The following PRR5L variants were observed in gnomAD, a reference collection of about 807,000 sequenced individuals.
The protein encoded by PRR5L is proline-rich protein 5-like.
Under a neutral mutation model 36.4 loss-of-function variants are expected in PRR5L, and 21 were observed. The ratio of observed to expected loss-of-function variants is 0.58; its 90% CI spans 0.41 to 0.83. The LOEUF (loss-of-function observed/expected upper bound fraction) is 0.83, where lower values mean the gene tolerates loss of function less well. Among genes scored for constraint, PRR5L ranks in the 40% least tolerant of loss-of-function variants. The probability of loss-of-function intolerance (pLI) is 0.00; values close to 1 mark genes in which losing one functional copy is unlikely to be tolerated. For missense variants in PRR5L, 381 were observed against 473.3 expected (o/e 0.80, Z 1.81); for synonymous variants, 188 against 197.0 (o/e 0.95, Z 0.38).
intron 1 of PRR5L, among the ~76,000 whole-genome samples, chr11:36,327,969 T>A (rs1409713636): frequency 1.3e-5 from 2 of 151,864 alleles, no homozygotes; most frequent in Non-Finnish European, 2.9e-5. Flanking sequence ...TCTCCCTGGG[T>A]ACATGTTCTC....
chr11:36,439,205 G>A (rs1050334174), intron 6 of PRR5L, among the ~76,000 whole-genome samples: 2 of 152,074 alleles, frequency 1.3e-5, no homozygotes, highest in African/African-American at 4.8e-5. Flanking sequence ...CCACCATTTC[G>A]AGGGGCCCTG....
intron 1 of PRR5L, among the ~76,000 whole-genome samples, chr11:36,328,910 T>C (rs1856691494): frequency 6.6e-6 from 1 of 152,216 alleles, no homozygotes; most frequent in African/African-American, 2.4e-5. Flanking sequence ...AATTGCCCCA[T>C]ATTCCATTTA....
intron 1 of PRR5L, among the ~76,000 whole-genome samples, chr11:36,305,376 G>T (rs974699402): frequency 6.6e-6 from 1 of 152,218 alleles, no homozygotes. Context: ...CTGGGGTTGA[G>T]TGGGAAGGGA....
At chr11:36,333,210 T>C (rs1856736454) in intron 1 of PRR5L, among the ~76,000 whole-genome samples, 1 of 152,196 alleles carries the variant, frequency 6.6e-6, no homozygotes, top group African/African-American at 2.4e-5. Flanking sequence ...CATTAGAATG[T>C]CTAAAATTCA....
intron 1 of PRR5L, among the ~76,000 whole-genome samples, chr11:36,397,067 C>CTTTTT (rs11300346): frequency 5.8e-4 from 76 of 130,566 alleles, no homozygotes; most frequent in Non-Finnish European, 7.9e-4. Context: ...GTTTTCTTTT[C>CTTTTT]TTTTTTTTTT....
intron 1 of PRR5L, among the ~76,000 whole-genome samples, chr11:36,351,626 T>A (rs12796918): frequency 1.8e-4 from 4 of 22,092 alleles, no homozygotes; most frequent in African/African-American, 4.6e-4. Flanking sequence ...TATTTATATA[T>A]TTATATAAAT....
chr11:36,321,097 T>C (rs1856609851), intron 1 of PRR5L: 2 of 152,258 alleles, frequency 1.3e-5, no homozygotes, highest in South Asian at 4.1e-4. Flanking sequence ...CAGAGGCCTA[T>C]TTTAAAAATA....
intron 1 of PRR5L, among the ~76,000 whole-genome samples, chr11:36,368,093 G>A (rs1334742884): frequency 6.6e-6 from 1 of 152,096 alleles, no homozygotes; most frequent in Non-Finnish European, 1.5e-5. Context: ...CCGTAGATTG[G>A]AGAACAAGGT....
chr11:36,396,375 C>T (rs1857660475), intron 1 of PRR5L, among the ~76,000 whole-genome samples: 1 of 152,214 alleles, frequency 6.6e-6, no homozygotes, highest in African/African-American at 2.4e-5. Context: ...GATGTAGGGT[C>T]AGTAAATAAG....
chr11:36,419,785 A>T (rs1490133992), intron 4 of PRR5L, among the ~76,000 whole-genome samples: 1 of 152,240 alleles, frequency 6.6e-6, no homozygotes, highest in East Asian at 1.9e-4. Context: ...ATGATATTGC[A>T]TGCCACGTAG....
intron 1 of PRR5L, among the ~76,000 whole-genome samples, chr11:36,382,791 C>T (rs990319346): frequency 6.6e-6 from 1 of 152,142 alleles, no homozygotes; most frequent in African/African-American, 2.4e-5. Flanking sequence ...GGCAGTGGGA[C>T]AAAATCGCCC....
At chr11:36,336,583 A>T in intron 1 of PRR5L, among the ~76,000 whole-genome samples, 1 of 117,450 alleles carries the variant, frequency 8.5e-6, no homozygotes, top group African/African-American at 3.4e-5. Context: ...TATGTCAGGG[A>T]TTTTTCTGTG....
At chr11:36,331,209 A>T (rs1856715552) in intron 1 of PRR5L, among the ~76,000 whole-genome samples, 1 of 152,194 alleles carries the variant, frequency 6.6e-6, no homozygotes, top group African/African-American at 2.4e-5. Context: ...ATCCCTTTTT[A>T]TTTGACATGC....
chr11:36,386,157 C>G (rs1404678075), intron 1 of PRR5L, among the ~76,000 whole-genome samples: 1 of 152,060 alleles, frequency 6.6e-6, no homozygotes, highest in African/African-American at 2.4e-5. Flanking sequence ...TGTGGTGGTA[C>G]ACACCTGTAG....
intron 5 of PRR5L, among the ~76,000 whole-genome samples, chr11:36,436,618 C>G (rs759215780): frequency 1.3e-5 from 2 of 152,200 alleles, no homozygotes. Context: ...GTTTCTGCCT[C>G]TCTCCATTGA....
rs1859225840 is a variant in PRR5L at position 36,463,087 on chromosome 11, G to A, written c.*351G>A. 2 of 206,822 alleles carry A rather than the reference G, an allele frequency of 9.7e-6. No individual in the cohort carries two copies. Among genetic ancestry groups the A allele is most frequent in the Non-Finnish European group, 1.9e-5 (2 of 104,316 alleles). 12.8% of individuals were successfully genotyped at this position (206,822 alleles called of 1,614,324 possible). ...CATATCCAATGCTCCTGGCATTTCT[G>A]GAGCAGGAGGTTGTCAGGACAACAC... On this transcript the variant is annotated 3_prime_UTR_variant, in exon 9 of 9. Transcript: ENST00000530639.
chr11:36,322,865 G>A (rs1320512282), intron 1 of PRR5L, among the ~76,000 whole-genome samples: 1 of 152,156 alleles, frequency 6.6e-6, no homozygotes, highest in African/African-American at 2.4e-5. Flanking sequence ...GAGGCACAGG[G>A]ACCGAGGAGG....
chr11:36,413,583 AAGTATT>A (rs1214283680), intron 3 of PRR5L, among the ~76,000 whole-genome samples: 1 of 148,348 alleles, frequency 6.7e-6, no homozygotes, highest in East Asian at 2.0e-4. Flanking sequence ...CCTTAAAGAT[AAGTATT>A]AGTAACGGTA....
At chr11:36,339,222 T>C (rs1280226356) in intron 1 of PRR5L, among the ~76,000 whole-genome samples, 1 of 152,126 alleles carries the variant, frequency 6.6e-6, no homozygotes, top group East Asian at 1.9e-4. Flanking sequence ...GCCTCCTGAG[T>C]AGTTGGGATT....
Sources: allele counts gnomAD v4.1 joint callset (sites outside exome capture counted in the v4.1 genomes callset), GRCh38; gene constraint gnomAD v4.1.1; transcripts MANE v1.5; gene names NCBI Gene and HGNC (gene_info 2026-07-23, HGNC 2026-07-21).